TFAP4: variants seen among roughly 807,000 people sequenced by gnomAD.
TFAP4 encodes the protein activating enhancer-binding protein 4.
A neutral mutation model predicts 40.4 loss-of-function variants in TFAP4; 7 were observed. The observed-to-expected ratio is 0.17, with a 90% CI of 0.10 to 0.33. The LOEUF (loss-of-function observed/expected upper bound fraction) is 0.33, where lower values mean the gene tolerates loss of function less well. Ranked by LOEUF, TFAP4 falls within the 10% of genes least tolerant of loss-of-function variation. The pLI is 1.00. For missense variants in TFAP4, 374 were observed against 451.1 expected (o/e 0.83, Z 1.55); for synonymous variants, 218 against 181.4 (o/e 1.20, Z -1.62).
At position 4,260,129 on chromosome 16, in the gene TFAP4, A is replaced by G; in HGVS notation, c.783T>C (p.Ser261=). The change falls in exon 6 of 7, where the codon TCT becomes TCC. Residue 261 remains serine, a synonymous_variant. Coordinates refer to ENST00000204517, the MANE Select transcript of TFAP4 (RefSeq NM_003223.3). ...VTMGPSSVIN[S]VSTSRQNLDT... ...CCAGATTTTGCCGGGATGTGGAAAC[A>G]GAGTTGATGACCGAGGAGGGGCCCA... is the stretch of plus-strand genomic sequence containing the variant. The G allele has an allele frequency of 1.3e-6, 2 of 1,525,114 alleles. No individual in the cohort carries two copies. Among genetic ancestry groups the G allele is most frequent in the Non-Finnish European group, 1.8e-6 (2 of 1,123,648 alleles). The allele number at this position is 1,525,114 out of a possible 1,614,324, so 94.5% of individuals were successfully genotyped here.
intron 4 of TFAP4, 60 bp downstream of exon 4, chr16:4,261,719 G>A: frequency 6.8e-7 from 1 of 1,480,460 alleles, no homozygotes; most frequent in Non-Finnish European, 8.9e-7. Flanking sequence ...CAAGAGGCGC[G>A]ACCCCAGGCT....
intron 3 of TFAP4, 156 bp downstream of exon 3, chr16:4,262,168 G>T (rs140510691): frequency 4.1e-6 from 4 of 977,392 alleles, no homozygotes; most frequent in South Asian, 1.5e-5. Context: ...GCACTTGACC[G>T]ATGGGGAAAC....
intron 4 of TFAP4, among the ~76,000 whole-genome samples, chr16:4,261,412 G>A (rs1449292229): frequency 6.6e-6 from 1 of 151,266 alleles, no homozygotes; most frequent in Non-Finnish European, 1.5e-5. Flanking sequence ...CCCAAACAGC[G>A]GGGACTACAG....
chr16:4,264,815 G>A (rs2052978143), intron 1 of TFAP4: 1 of 152,356 alleles, frequency 6.6e-6, no homozygotes, highest in South Asian at 2.1e-4. Flanking sequence ...TGCAGTGGGT[G>A]GCTTAAAGCT....
intron 1 of TFAP4, chr16:4,266,604 AG>A (rs1441848860): frequency 6.6e-6 from 1 of 152,196 alleles, no homozygotes; most frequent in East Asian, 1.9e-4. Context: ...CTGACCAACC[AG>A]GGCTTCTGAT....
intron 6 of TFAP4, 43 bp from the exon 7 acceptor site, chr16:4,258,292 A>G (rs1448735039): frequency 6.6e-7 from 1 of 1,511,584 alleles, no homozygotes; most frequent in Non-Finnish European, 8.9e-7. Flanking sequence ...CCGGGGATAC[A>G]TGGCCAGCCA....
intron 1 of TFAP4, chr16:4,265,070 G>C (rs2052980620): frequency 6.6e-6 from 1 of 151,802 alleles, no homozygotes; most frequent in Non-Finnish European, 1.5e-5. Flanking sequence ...CCACAACAGA[G>C]GGATACATTT....
intron 1 of TFAP4, among the ~76,000 whole-genome samples, chr16:4,267,390 C>T (rs907267070): frequency 6.6e-6 from 1 of 152,194 alleles, no homozygotes; most frequent in African/African-American, 2.4e-5. Context: ...ACAGGGGCTG[C>T]CCTAGATTTA....
intron 4 of TFAP4, among the ~76,000 whole-genome samples, 169 bp from the exon 5 acceptor site, chr16:4,260,764 T>TC (rs2052941144): frequency 6.6e-6 from 1 of 151,922 alleles, no homozygotes; most frequent in Admixed American, 6.6e-5. Flanking sequence ...TCCTCTCGCC[T>TC]CCCACCTCGG....
At chr16:4,265,360 T>G (rs2052984271) in intron 1 of TFAP4, 1 of 152,246 alleles carries the variant, frequency 6.6e-6, no homozygotes, top group African/African-American at 2.4e-5. Flanking sequence ...ACACCTATAA[T>G]CCTAGCACTT....
chr16:4,257,902 G>A lies in TFAP4; in HGVS notation c.*153C>T. ...CTCGGGTTGAGTGGCTTCGTTCAAA[G>A]GTCGATTTACAGTATTGAAAAAGAG... is the stretch of plus-strand genomic sequence containing the variant. On this transcript the variant is annotated 3_prime_UTR_variant, in exon 7 of 7. Transcript: ENST00000204517. The A allele has an allele frequency of 2.6e-6, 2 of 777,746 alleles. No homozygotes were observed. Among genetic ancestry groups the A allele is most frequent in the South Asian group, 3.7e-5 (2 of 54,052 alleles). 48.2% of individuals were successfully genotyped at this position (777,746 alleles called of 1,614,324 possible). A position where few individuals can be genotyped will look rare whatever the true frequency, so the allele number is the denominator to read the frequency against.
chr16:4,260,177 G>A lies in TFAP4; in HGVS notation c.735C>T (p.Ser245=), dbSNP rs1446651086. Residue 245 remains serine (S), a synonymous_variant, in exon 6 of 7, where the codon TCC becomes TCT. Coordinates refer to ENST00000204517, the MANE Select transcript of TFAP4 (RefSeq NM_003223.3). The part of the protein sequence containing the change: ...VIVPAPPPPP[S]HHINVVTMGP... ...CCATGGTGACGACATTGATGTGGTG[G>A]GAGGGAGGAGGAGGCGGTGCTGGCA... The A allele has an allele frequency of 1.3e-6, 2 of 1,596,230 alleles. No homozygotes were observed. The highest frequency in any genetic ancestry group is 1.7e-6 in the Non-Finnish European group (2 of 1,173,756).
intron 1 of TFAP4, 51 bp downstream of exon 1, chr16:4,272,607 G>A: frequency 6.8e-7 from 1 of 1,469,232 alleles, no homozygotes; most frequent in Non-Finnish European, 9.2e-7. Context: ...CGGGCGGGCT[G>A]GCCGGGGGCT....
chr16:4,271,382 C>G (rs2053039038), intron 1 of TFAP4, among the ~76,000 whole-genome samples: 1 of 152,254 alleles, frequency 6.6e-6, no homozygotes, highest in Admixed American at 6.5e-5. Context: ...AGCCATTTCG[C>G]TCCTGGAGCA....
chr16:4,266,745 AT>A (rs1241122239), intron 1 of TFAP4: 1 of 152,172 alleles, frequency 6.6e-6, no homozygotes. Context: ...GGGGTTTTGC[AT>A]TTACGGTTAA....
At chr16:4,258,506 G>A (rs966134020) in intron 6 of TFAP4, 2 of 349,364 alleles carry the variant, frequency 5.7e-6, no homozygotes, top group Non-Finnish European at 1.0e-5. Context: ...CAGACTCCTG[G>A]GCTCCAGCGA....
intron 1 of TFAP4, chr16:4,266,200 G>C (rs941798287): frequency 3.9e-5 from 6 of 152,194 alleles, no homozygotes; most frequent in Non-Finnish European, 7.3e-5. Context: ...GCTGGGGCTG[G>C]GATCAGGGGC....
intron 1 of TFAP4, chr16:4,265,077 A>T (rs902585368): frequency 2.0e-5 from 3 of 147,642 alleles, no homozygotes; most frequent in Non-Finnish European, 4.5e-5. Flanking sequence ...AGAGGGATAC[A>T]TTTTTTTTTT....
At position 4,258,044 on chromosome 16, in the gene TFAP4, TG is replaced by T. The variant is rs555049420; in HGVS notation, c.*10del. On this transcript the variant is annotated 3_prime_UTR_variant, in exon 7 of 7. Coordinates refer to ENST00000204517, the MANE Select transcript of TFAP4 (RefSeq NM_003223.3). ...CAGCCCCCAGAAGGGAGAGGAGGGC[TG>T]GGGGGGTAGTCAGGGAAGCTCCCCG... 112 of 1,607,200 alleles carry T rather than the reference TG, an allele frequency of 7.0e-5. No individual in the cohort carries two copies. The South Asian group carries it at 7.7e-4, about 11-fold the overall frequency.
Sources: gnomAD v4.1 joint callset for allele counts (sites outside exome capture counted in the v4.1 genomes callset) on GRCh38, gnomAD v4.1.1 for gene constraint, MANE v1.5 for transcripts, NCBI Gene and HGNC (gene_info 2026-07-23, HGNC 2026-07-21) for gene names.